Variants in JAK1 observed in about 807,000 individuals in gnomAD.
JAK1 encodes tyrosine-protein kinase JAK1.
JAK1 carries 16 observed loss-of-function variants against 136.6 expected under a neutral mutation model. That is an observed-to-expected ratio of 0.12 (90% CI 0.08 to 0.18). JAK1 has a LOEUF of 0.18. Among genes scored for constraint, JAK1 ranks in the 10% least tolerant of loss-of-function variants. JAK1 has a pLI of 1.00. For synonymous variants in JAK1, 492 were observed against 519.5 expected (o/e 0.95, Z 0.72); for missense variants, 859 against 1,450.1 (o/e 0.59, Z 6.62).
At chr1:64,934,206 A>C (rs1008059808) in intron 1 of JAK1, among the ~76,000 whole-genome samples, 1 of 152,232 alleles carries the variant, frequency 6.6e-6, no homozygotes, top group Non-Finnish European at 1.5e-5. Context: ...TTTCAGTGGA[A>C]TCCCAGGAGA....
At chr1:64,886,508 G>T (rs146511382) in intron 1 of JAK1, among the ~76,000 whole-genome samples, 167 bp from the exon 2 acceptor site, 4 of 152,060 alleles carry the variant, frequency 2.6e-5, no homozygotes, top group Non-Finnish European at 4.4e-5. Flanking sequence ...CTAGGACATC[G>T]AGAGGACAGA....
At chr1:65,042,741 G>A (rs11208574) in intron 2 of JAK1, among the ~76,000 whole-genome samples, 31,555 of 152,020 alleles carry the variant, frequency 0.21, 3,633 homozygotes, top group African/African-American at 0.3. Flanking sequence ...TTCTGTTCTT[G>A]GTCTACAGAG....
chr1:64,863,776 A>C (rs1221838856), intron 8 of JAK1, among the ~76,000 whole-genome samples: 1 of 152,158 alleles, frequency 6.6e-6, no homozygotes, highest in African/African-American at 2.4e-5. Context: ...TCTGCTTCTC[A>C]GGCAAATTGT....
chr1:64,969,862 G>C (rs1023594462), upstream of JAK1, among the ~76,000 whole-genome samples: 3 of 152,146 alleles, frequency 2.0e-5, no homozygotes, highest in South Asian at 4.1e-4. Flanking sequence ...TGAGCCAGGC[G>C]TGGTGGCTTA....
At chr1:64,978,789 G>T (rs544755591) in intron 2 of JAK1, among the ~76,000 whole-genome samples, 2 of 151,928 alleles carry the variant, frequency 1.3e-5, no homozygotes, top group East Asian at 3.9e-4. Flanking sequence ...TCAAGGCCGG[G>T]GTGCTAGAAA....
At chr1:65,052,304 T>C (rs185494850) in intron 1 of JAK1, among the ~76,000 whole-genome samples, 39 of 152,122 alleles carry the variant, frequency 2.6e-4, no homozygotes, top group African/African-American at 8.9e-4. Context: ...GTCTTAAATA[T>C]GAAAGAAAAA....
chr1:64,835,847 C>T (rs1168542306), intron 23 of JAK1, among the ~76,000 whole-genome samples: 1 of 152,140 alleles, frequency 6.6e-6, no homozygotes, highest in East Asian at 1.9e-4. Context: ...CATAAAACTG[C>T]CCTTCATCTC....
rs372851082 is a variant in JAK1 at position 64,996,394 on chromosome 1, A to G, written c.-78+48086T>C. ...TAGAATGTAAAATTTTTGAGAGCAG[A>G]AACTATGTCCTATATTTCCCCATAT... On this transcript the variant is annotated intron_variant, in intron 2 of 25. Transcript: ENST00000671954. Among the ~76,000 whole-genome samples, 29 of 152,348 alleles carry G rather than the reference A, an allele frequency of 1.9e-4. 5 individuals are homozygous for G. The highest frequency in any genetic ancestry group is 3.3e-4 in the Admixed American group (5 of 15,292).
intron 2 of JAK1, among the ~76,000 whole-genome samples, chr1:65,035,085 T>TAAAC (rs1647061197): frequency 6.6e-6 from 1 of 151,156 alleles, no homozygotes; most frequent in South Asian, 2.1e-4. Context: ...AATAAATAAA[T>TAAAC]AAATAATAAA....
intron 1 of JAK1, among the ~76,000 whole-genome samples, chr1:64,953,315 T>G (rs375637402): frequency 6.8e-6 from 1 of 147,136 alleles, no homozygotes; most frequent in Non-Finnish European, 1.5e-5. Flanking sequence ...GTGACAGGTC[T>G]ACACAGTCCA....
chr1:64,879,171 A>G, intron 3 of JAK1, 23 bp from the exon 4 acceptor site: 3 of 1,613,030 alleles, frequency 1.9e-6, no homozygotes, highest in South Asian at 1.1e-5. Context: ...AAAAAAACAC[A>G]TCAGAAAATC....
chr1:64,835,392 A>G lies in JAK1; in HGVS notation c.3369+4T>C, dbSNP rs751396065. 7.2e-6 allele frequency: 11 copies of G among 1,527,406 alleles called. No individual in the cohort carries two copies. The highest frequency in any genetic ancestry group is 9.8e-6 in the Non-Finnish European group (11 of 1,119,774). 94.6% of individuals were successfully genotyped at this position (1,527,406 alleles called of 1,614,324 possible). ...GTTATTACTGTGACGTGGCCCATAG[A>G]TACCTCATCTGGACAGTTAGGTGGG... On this transcript the variant is annotated splice_donor_region_variant and intron_variant, in intron 24 of 24. Coordinates refer to ENST00000342505, the MANE Select transcript of JAK1 (RefSeq NM_002227.4).
At chr1:64,939,463 G>A (rs1215750264) in intron 1 of JAK1, among the ~76,000 whole-genome samples, 1 of 152,190 alleles carries the variant, frequency 6.6e-6, no homozygotes, top group Non-Finnish European at 1.5e-5. Context: ...GCAGTAAGCG[G>A]AAAGCATGGC....
chr1:65,036,508 A>G (rs1647076259), intron 2 of JAK1, among the ~76,000 whole-genome samples: 1 of 152,166 alleles, frequency 6.6e-6, no homozygotes, highest in Non-Finnish European at 1.5e-5. Context: ...AGACCAGAGA[A>G]GGGTGAGGGG....
At chr1:64,927,460 A>G (rs1645602059) in intron 1 of JAK1, among the ~76,000 whole-genome samples, 2 of 152,254 alleles carry the variant, frequency 1.3e-5, no homozygotes, top group South Asian at 4.1e-4. Context: ...TGAGGCTCAG[A>G]AAGTTTAATA....
intron 1 of JAK1, among the ~76,000 whole-genome samples, chr1:64,939,813 CA>C (rs1465486177): frequency 1.3e-5 from 2 of 152,116 alleles, no homozygotes; most frequent in Non-Finnish European, 2.9e-5. Context: ...GAACCAGAAA[CA>C]AAATAAGAGA....
intron 2 of JAK1, among the ~76,000 whole-genome samples, chr1:65,029,913 A>G (rs879640998): frequency 2.0e-5 from 3 of 152,264 alleles, no homozygotes; most frequent in South Asian, 2.1e-4. Context: ...GTTTACCTAC[A>G]TAAGAAACTT....
intron 2 of JAK1, among the ~76,000 whole-genome samples, chr1:65,004,733 A>G (rs1254132176): frequency 6.6e-6 from 1 of 152,198 alleles, no homozygotes; most frequent in Non-Finnish European, 1.5e-5. Context: ...AATAATTACA[A>G]TGTGGTTATA....
At chr1:64,982,969 A>G (rs1646562806) in intron 2 of JAK1, among the ~76,000 whole-genome samples, 2 of 152,170 alleles carry the variant, frequency 1.3e-5, no homozygotes, top group Admixed American at 1.3e-4. Context: ...CACCTTTTCC[A>G]GCTAAACCCC....
Sources: gnomAD v4.1 joint callset for allele counts (sites outside exome capture counted in the v4.1 genomes callset) on GRCh38, gnomAD v4.1.1 for gene constraint, MANE v1.5 for transcripts, NCBI Gene and HGNC (gene_info 2026-07-23, HGNC 2026-07-21) for gene names.